Variants in QSER1 observed in about 807,000 individuals in gnomAD.
QSER1 encodes glutamine and serine-rich protein 1.
A neutral mutation model predicts 158.5 loss-of-function variants in QSER1; 49 were observed. That is an observed-to-expected ratio of 0.31 (90% CI 0.25 to 0.39). QSER1 has a LOEUF of 0.39. Among genes scored for constraint, QSER1 ranks in the 10% least tolerant of loss-of-function variants. QSER1 has a pLI of 1.00. For synonymous variants in QSER1, 650 were observed against 715.5 expected (o/e 0.91, Z 1.46); for missense variants, 1,754 against 2,010.3 (o/e 0.87, Z 2.44).
In QSER1 at chr11:32,957,970, A is replaced by G. The variant is rs1852550751; in HGVS notation, c.4853A>G (p.Gln1618Arg). 1.2e-6 allele frequency: 2 copies of G among 1,614,178 alleles called. No homozygotes were observed. Among genetic ancestry groups the G allele is most frequent in the Non-Finnish European group, 1.7e-6 (2 of 1,180,016 alleles). The change falls in exon 8 of 13, where the codon CAG becomes CGG. Residue 1618 changes from glutamine to arginine, a missense_variant. Gln to Arg is a conservative substitution (Grantham distance 43, BLOSUM62 1). Transcript: ENST00000650167. Reference protein sequence around the residue: ...KAPSVKPKVKQPKVKAEPPPK... With the variant: ...KAPSVKPKVKRPKVKAEPPPK... ...CCTTCCGTGAAACCCAAAGTTAAAC[A>G]GCCAAAAGTAAAGGCTGAGCCACCA... is the stretch of plus-strand genomic sequence containing the variant.
At chr11:32,903,799 A>G (rs1851655052) in intron 1 of QSER1, among the ~76,000 whole-genome samples, 2 of 152,008 alleles carry the variant, frequency 1.3e-5, no homozygotes, top group Non-Finnish European at 2.9e-5. Context: ...TTTAGTAGAG[A>G]TAGTGTTTCA....
At chr11:32,947,640 G>A (rs536786346) in intron 4 of QSER1, among the ~76,000 whole-genome samples, 8 of 152,180 alleles carry the variant, frequency 5.3e-5, no homozygotes, top group Non-Finnish European at 8.8e-5. Flanking sequence ...CTTTTGTGTA[G>A]TCTAAAATTT....
At chr11:32,973,634 T>C in intron 11 of QSER1, 85 bp downstream of exon 11, 3 of 1,291,442 alleles carry the variant, frequency 2.3e-6, no homozygotes, top group Non-Finnish European at 3.2e-6. Flanking sequence ...CAAGCAAATA[T>C]TTTACTATGT....
chr11:32,936,623 A>G (rs993174799), intron 4 of QSER1, among the ~76,000 whole-genome samples: 2 of 152,202 alleles, frequency 1.3e-5, no homozygotes, highest in African/African-American at 2.4e-5. Flanking sequence ...CAATATACAG[A>G]TGATATAACT....
chr11:32,906,476 G>A (rs1851694907), intron 1 of QSER1, among the ~76,000 whole-genome samples: 1 of 152,142 alleles, frequency 6.6e-6, no homozygotes, highest in African/African-American at 2.4e-5. Flanking sequence ...GTGGCTCTCT[G>A]TAACCTGAAG....
chr11:32,940,641 C>T (rs1299707730), intron 4 of QSER1, among the ~76,000 whole-genome samples: 2 of 151,896 alleles, frequency 1.3e-5, no homozygotes, highest in African/African-American at 2.4e-5. Context: ...TTCTTGAGGT[C>T]GCTTGGTCTG....
At chr11:32,948,926 T>C (rs796778090) in intron 4 of QSER1, among the ~76,000 whole-genome samples, 11 of 152,282 alleles carry the variant, frequency 7.2e-5, no homozygotes, top group African/African-American at 2.4e-4. Flanking sequence ...TCTTTTCTTT[T>C]CCTGGTTACA....
Position 32,932,543 on chromosome 11 carries a change from A to G in QSER1, c.1285A>G (p.Ile429Val), listed in dbSNP as rs1245133461. 1.2e-6 allele frequency: 2 copies of G among 1,614,078 alleles called. No individual in the cohort carries two copies. Among genetic ancestry groups the G allele is most frequent in the Admixed American group, 1.7e-5 (1 of 60,004 alleles). ...TSTKTPKPQS[I>V]IPPVQTLSYS... ...AACCAAGACCCCTAAACCTCAAAGTATAATTCCTCCTGTGCAAACACTAAG... is the reference window on the plus strand; with the variant it reads ...AACCAAGACCCCTAAACCTCAAAGTGTAATTCCTCCTGTGCAAACACTAAG... The change falls in exon 4 of 13, where the codon ATA becomes GTA. Residue 429 changes from isoleucine to valine, a missense_variant. Ile to Val is a conservative substitution (Grantham distance 29). This residue lies in a region of QSER1 where 1,707 missense variants were observed against 1,919.6 expected (regional missense o/e 0.89). Transcript: ENST00000650167.
chr11:32,932,894 C>G lies in QSER1; in HGVS notation c.1636C>G (p.Leu546Val), dbSNP rs758241891. The change falls in exon 4 of 13, where the codon CTG becomes GTG. Residue 546 changes from leucine to valine, a missense_variant. By Grantham distance (32) the Leu-to-Val change is conservative. Transcript: ENST00000650167. Reference protein sequence around the residue: ...NENYPAQTRDLSSVSQSQSYS... With the variant: ...NENYPAQTRDVSSVSQSQSYS... ...GAATTACCCTGCTCAAACAAGAGAT[C>G]TGTCTTCAGTAAGTCAGTCTCAAAG... The G allele has an allele frequency of 4.3e-6, 7 of 1,613,966 alleles. No homozygotes were observed. Among genetic ancestry groups the G allele is most frequent in the Non-Finnish European group, 5.9e-6 (7 of 1,180,028 alleles).
At chr11:32,931,477 C>G (rs569631685) in intron 3 of QSER1, among the ~76,000 whole-genome samples, 2 of 152,006 alleles carry the variant, frequency 1.3e-5, no homozygotes, top group African/African-American at 4.8e-5. Flanking sequence ...ACTTGGGACA[C>G]TGCGGCTGCA....
At chr11:32,906,104 G>GTTT (rs374193235) in intron 1 of QSER1, among the ~76,000 whole-genome samples, 5 of 118,426 alleles carry the variant, frequency 4.2e-5, no homozygotes, top group Admixed American at 8.5e-5. Flanking sequence ...CTATTTTTTA[G>GTTT]TTTTTTTTTT....
At chr11:32,957,430 C>T (rs367615097) in intron 7 of QSER1, among the ~76,000 whole-genome samples, 2 of 152,078 alleles carry the variant, frequency 1.3e-5, no homozygotes, top group African/African-American at 2.4e-5. Context: ...CATGAGCCAC[C>T]GCGCCGCATT....
Position 32,933,724 on chromosome 11 carries a change from A to G in QSER1, c.2466A>G (p.Glu822=). Residue 822 remains glutamate (E), a synonymous_variant, in exon 4 of 13, where the codon GAA becomes GAG. Transcript: ENST00000650167. ...AGGTGCATGAGTCCAAGGTCCAGGA[A>G]CAGCACGATCAAATAATTAATGCTT... The part of the protein sequence containing the change: ...ILKVHESKVQ[E]QHDQIINASS... The G allele has an allele frequency of 6.2e-7, 1 of 1,614,060 alleles. No homozygotes were observed. Among genetic ancestry groups the G allele is most frequent in the Non-Finnish European group, 8.5e-7 (1 of 1,179,972 alleles).
rs1228979976 is a variant in QSER1, at chr11:32,973,478, A to G, written c.5287A>G (p.Ile1763Val). 4 of 1,613,792 alleles carry G rather than the reference A, an allele frequency of 2.5e-6. No individual in the cohort carries two copies. Among genetic ancestry groups the G allele is most frequent in the Non-Finnish European group, 3.4e-6 (4 of 1,179,748 alleles). Reference protein sequence around the residue: ...AKSGGTAISKIKMNGKAYNKK... With the variant: ...AKSGGTAISKVKMNGKAYNKK... ...GAGTGGAGGAACTGCTATTTCTAAA[A>G]TCAAAATGAATGGCAAAGCCTATAA... The change falls in exon 11 of 13, where the codon ATC becomes GTC. Residue 1763 changes from isoleucine (I) to valine (V), a missense_variant. By Grantham distance (29) the Ile-to-Val change is conservative (BLOSUM62 3). Around this residue, in one of 2 missense-constraint regions of QSER1, gnomAD observed 1,707 missense variants for 1,919.6 expected, o/e 0.89. Coordinates refer to ENST00000650167, the MANE Select transcript of QSER1 (RefSeq NM_001076786.3).
intron 1 of QSER1, among the ~76,000 whole-genome samples, chr11:32,914,132 T>G (rs1017608425): frequency 5.4e-4 from 83 of 152,370 alleles, no homozygotes; most frequent in African/African-American, 1.9e-3. Flanking sequence ...TTCAGTGGAC[T>G]TAGTGTTTAT....
At chr11:32,894,889 T>C (rs2133481230) in intron 1 of QSER1, among the ~76,000 whole-genome samples, 1 of 152,344 alleles carries the variant, frequency 6.6e-6, no homozygotes, top group Middle Eastern at 3.4e-3. Flanking sequence ...CTGATGGTAA[T>C]TTGACTATCT....
chr11:32,970,491 A>G (rs1002433305), intron 10 of QSER1, among the ~76,000 whole-genome samples: 11 of 151,702 alleles, frequency 7.3e-5, no homozygotes, highest in Admixed American at 2.6e-4. Context: ...TGCCATCTCC[A>G]CCTCCTGAGT....
At chr11:32,912,974 A>G (rs541204261) in intron 1 of QSER1, among the ~76,000 whole-genome samples, 1 of 152,214 alleles carries the variant, frequency 6.6e-6, no homozygotes, top group East Asian at 1.9e-4. Flanking sequence ...CCTTGAAGAT[A>G]AAATGTGAGA....
intron 3 of QSER1, among the ~76,000 whole-genome samples, chr11:32,928,634 C>CAGCAATAA (rs1394050667): frequency 6.6e-6 from 1 of 151,998 alleles, no homozygotes. Context: ...TTTCATTTTT[C>CAGCAATAA]TTATTTTACT....
Sources: allele counts gnomAD v4.1 joint callset (sites outside exome capture counted in the v4.1 genomes callset), GRCh38; gene constraint gnomAD v4.1.1; regional missense constraint gnomAD v4.1.1; transcripts MANE v1.5; gene names NCBI Gene and HGNC (gene_info 2026-07-23, HGNC 2026-07-21).